The following NBEA variants were observed in gnomAD, a reference collection of about 807,000 sequenced individuals.
NBEA encodes the protein lysosomal-trafficking regulator 2.
NBEA carries 44 observed loss-of-function variants against 343.4 expected under a neutral mutation model. That is an observed-to-expected ratio of 0.13 (90% CI 0.10 to 0.16). The LOEUF (loss-of-function observed/expected upper bound fraction) is 0.16, where lower values mean the gene tolerates loss of function less well. Ranked by LOEUF, NBEA falls within the 10% of genes least tolerant of loss-of-function variation. The pLI is 1.00. For synonymous variants in NBEA, 1,175 were observed against 1,238.7 expected, an observed-to-expected ratio of 0.95 and a Z score of 1.08; for missense variants, 2,555 against 3,631.3, an observed-to-expected ratio of 0.70 and a Z score of 7.62.
chr13:35,262,587 T>C (rs1054316326), intron 34 of NBEA, among the ~76,000 whole-genome samples: 1 of 152,194 alleles, frequency 6.6e-6, no homozygotes, highest in Non-Finnish European at 1.5e-5. Context: ...AAAAGTTACA[T>C]ATTGTGTATT....
chr13:35,179,822 T>C, intron 28 of NBEA: 3 of 982,542 alleles, frequency 3.1e-6, no homozygotes, highest in South Asian at 4.7e-5. Flanking sequence ...TTAATCTGAT[T>C]GTGCTTCATT....
At chr13:35,342,259 A>G (rs1484268288) in intron 36 of NBEA, among the ~76,000 whole-genome samples, 1 of 152,100 alleles carries the variant, frequency 6.6e-6, no homozygotes, top group Non-Finnish European at 1.5e-5. Flanking sequence ...GATAAAAAGG[A>G]TCTAGACTTA....
intron 53 of NBEA, among the ~76,000 whole-genome samples, chr13:35,653,127 A>C (rs1464955805): frequency 6.6e-6 from 1 of 152,162 alleles, no homozygotes; most frequent in Non-Finnish European, 1.5e-5. Context: ...AATCGTGTAC[A>C]TATTTATTAG....
intron 41 of NBEA, chr13:35,476,068 T>G: frequency 6.2e-7 from 1 of 1,614,246 alleles, no homozygotes; most frequent in Non-Finnish European, 8.5e-7. Flanking sequence ...AATGGCAGCT[T>G]TCCTGGCTTG....
At chr13:35,425,512 C>T (rs865934542) in intron 38 of NBEA, among the ~76,000 whole-genome samples, 5 of 152,090 alleles carry the variant, frequency 3.3e-5, no homozygotes, top group African/African-American at 1.2e-4. Flanking sequence ...GTCTGAGAGA[C>T]AGTTTGTTAT....
intron 41 of NBEA, among the ~76,000 whole-genome samples, chr13:35,546,555 ATT>A (rs558048686): frequency 8.4e-5 from 12 of 143,682 alleles, no homozygotes; most frequent in Admixed American, 1.4e-4. Flanking sequence ...ATTATTATTA[ATT>A]TTTTTTTTTT....
At chr13:35,298,685 A>G (rs1217329203) in intron 35 of NBEA, among the ~76,000 whole-genome samples, 1 of 152,014 alleles carries the variant, frequency 6.6e-6, no homozygotes, top group African/African-American at 2.4e-5. Context: ...GATGTGTCCA[A>G]TTTGAAACAT....
chr13:35,582,574 G>A (rs544227549), intron 45 of NBEA, among the ~76,000 whole-genome samples: 1 of 151,954 alleles, frequency 6.6e-6, no homozygotes, highest in Non-Finnish European at 1.5e-5. Flanking sequence ...TACAAAATGA[G>A]GACAAAAAAG....
At chr13:35,263,083 G>A (rs9543808) in intron 34 of NBEA, among the ~76,000 whole-genome samples, 1 of 152,022 alleles carries the variant, frequency 6.6e-6, no homozygotes, top group African/African-American at 2.4e-5. Flanking sequence ...TGCAACAAAG[G>A]TACAGTAATC....
intron 38 of NBEA, 37 bp downstream of exon 38, chr13:35,352,360 A>G (rs9565205): frequency 0.56 from 672,674 of 1,195,690 alleles, 196,489 homozygotes; most frequent in Admixed American, 0.63. Context: ...AATAATTCAT[A>G]GGTTAATTAT....
At chr13:35,474,914 G>A in intron 41 of NBEA, 2 of 1,032,740 alleles carry the variant, frequency 1.9e-6, no homozygotes, top group South Asian at 3.5e-5. Flanking sequence ...TGGGTGAGAT[G>A]ATGTTTAAAT....
intron 10 of NBEA, among the ~76,000 whole-genome samples, chr13:35,086,302 AAGTCCTCT>A: frequency 6.6e-6 from 1 of 151,986 alleles, no homozygotes; most frequent in African/African-American, 2.4e-5. Flanking sequence ...GTAACATTTT[AAGTCCTCT>A]ATTCCAGCTA....
At chr13:35,016,589 TACACACACACACACAC>T (rs66655195) in intron 1 of NBEA, among the ~76,000 whole-genome samples, 2 of 148,174 alleles carry the variant, frequency 1.3e-5, no homozygotes, top group Non-Finnish European at 3.0e-5. Context: ...TGTATGTGTA[TACACACACACACACAC>T]ACACACACAC....
intron 41 of NBEA, among the ~76,000 whole-genome samples, chr13:35,486,506 C>A (rs935562927): frequency 6.6e-6 from 1 of 152,000 alleles, no homozygotes; most frequent in African/African-American, 2.4e-5. Flanking sequence ...TATTTAATCT[C>A]ATTTAATCTT....
chr13:35,519,973 C>G (rs927017637), intron 41 of NBEA, among the ~76,000 whole-genome samples: 4 of 152,138 alleles, frequency 2.6e-5, no homozygotes, highest in Non-Finnish European at 5.9e-5. Flanking sequence ...TTCTTCTTTA[C>G]AGCAGTCCCC....
At chr13:35,258,475 T>G (rs961658095) in intron 34 of NBEA, among the ~76,000 whole-genome samples, 2 of 151,878 alleles carry the variant, frequency 1.3e-5, no homozygotes, top group Non-Finnish European at 2.9e-5. Context: ...TATTTTCTGG[T>G]TTTTGTGTTC....
chr13:35,131,478 T>G (rs2067426813), intron 17 of NBEA, among the ~76,000 whole-genome samples: 1 of 152,190 alleles, frequency 6.6e-6, no homozygotes, highest in Non-Finnish European at 1.5e-5. Context: ...CAAAAAATTT[T>G]CATAAAATTC....
At chr13:35,003,056 G>A (rs1593428508) in intron 1 of NBEA, among the ~76,000 whole-genome samples, 1 of 152,076 alleles carries the variant, frequency 6.6e-6, no homozygotes. Context: ...AACGAAGAAT[G>A]CACACACTCA....
rs1489037495 is a variant in NBEA at position 34,942,520 on chromosome 13, A to G, written c.-301A>G. Reference sequence around the variant, plus strand: ...ACCGGGAGAGGGAGAGAGCAGAGGCAGCGGCGGCGGCAGCGGCAGCGGCAG... The same window carrying G: ...ACCGGGAGAGGGAGAGAGCAGAGGCGGCGGCGGCGGCAGCGGCAGCGGCAG... On this transcript the variant is annotated 5_prime_UTR_variant, in exon 1 of 59. Coordinates refer to ENST00000379939, the MANE Select transcript of NBEA (RefSeq NM_001385012.1). 2 of 194,798 alleles carry G rather than the reference A, an allele frequency of 1.0e-5. No homozygotes were observed. The highest frequency in any genetic ancestry group is 2.7e-4 in the South Asian group (2 of 7,276). The allele number at this position is 194,798 out of a possible 1,614,324, so 12.1% of individuals were successfully genotyped here.
Sources: gnomAD v4.1 joint callset for allele counts (sites outside exome capture counted in the v4.1 genomes callset) on GRCh38, gnomAD v4.1.1 for gene constraint, MANE v1.5 for transcripts, NCBI Gene and HGNC (gene_info 2026-07-23, HGNC 2026-07-21) for gene names.